The following CFAP47 variants were observed in gnomAD, a reference collection of about 807,000 sequenced individuals.
The protein encoded by CFAP47 is cilia and flagella associated protein 47, also known as cilia- and flagella-associated protein 47.
CFAP47 carries 29 observed loss-of-function variants against 148.1 expected under a neutral mutation model. The ratio of observed to expected loss-of-function variants is 0.20; its 90% confidence interval spans 0.15 to 0.27. The LOEUF (loss-of-function observed/expected upper bound fraction) is 0.27. Ranked by LOEUF, CFAP47 falls within the 10% of genes least tolerant of loss-of-function variation. The pLI is 1.00. For synonymous variants in CFAP47, 664 were observed against 577.3 expected (o/e 1.15, Z -2.15); for missense variants, 1,872 against 1,697.5 (o/e 1.10, Z -1.81).
At chrX:35,931,705 A>G (rs1935828545) in intron 2 of CFAP47, among the ~76,000 whole-genome samples, 1 of 111,282 alleles carries the variant, frequency 9.0e-6, no homozygotes. Flanking sequence ...TAATTATTGT[A>G]GTGGTTTTTC....
At chrX:36,078,786 A>G (rs1378198404) in intron 29 of CFAP47, among the ~76,000 whole-genome samples, 4 of 110,721 alleles carry the variant, frequency 3.6e-5, no homozygotes, top group African/African-American at 1.3e-4. Flanking sequence ...GGTCTTTACA[A>G]TTTGGCATGT....
chrX:35,934,596 T>C (rs1935882596), intron 2 of CFAP47, among the ~76,000 whole-genome samples: 1 of 111,063 alleles, frequency 9.0e-6, no homozygotes. Context: ...TACAACCCTT[T>C]TACTTTTCCC....
chrX:35,924,337 A>G (rs1294056975), intron 1 of CFAP47, among the ~76,000 whole-genome samples: 1 of 106,620 alleles, frequency 9.4e-6, no homozygotes, highest in Non-Finnish European at 1.9e-5. Flanking sequence ...ATATGTGTAC[A>G]TATATGTGTG....
At chrX:35,974,590 A>G (rs1203975205) in intron 13 of CFAP47, among the ~76,000 whole-genome samples, 1 of 111,791 alleles carries the variant, frequency 8.9e-6, no homozygotes, top group Admixed American at 9.6e-5. Context: ...TGATTGTTTC[A>G]CAGGTGTATA....
rs1936916516 is a variant in CFAP47 at position 36,001,632 on chromosome X, A to T, written c.3342A>T (p.Ala1114=). ...TTACAGAAGAATTTAAAGACCCTGC[A>T]GTTCCTTATATATATTCTTTGGAAT... The part of the protein sequence containing the change: ...KDKSEEFKDP[A]VPYIYSLELE... Residue 1114 remains alanine (A), a synonymous_variant, in exon 21 of 64, where the codon GCA becomes GCT. Coordinates refer to ENST00000378653, the MANE Select transcript of CFAP47 (RefSeq NM_001304548.2). The T allele has an allele frequency of 5.1e-5, 15 of 296,139 alleles. No homozygotes were observed. In the East Asian group the frequency reaches 7.2e-4, roughly 14 times the overall value. 24.4% of individuals were successfully genotyped at this position (296,139 alleles called of 1,213,427 possible).
intron 33 of CFAP47, among the ~76,000 whole-genome samples, chrX:36,117,340 A>G (rs1311866137): frequency 1.8e-5 from 2 of 111,704 alleles, no homozygotes; most frequent in African/African-American, 6.5e-5. Flanking sequence ...ACTGTTCTCC[A>G]TAGTGATTGT....
intron 18 of CFAP47, among the ~76,000 whole-genome samples, chrX:35,995,503 A>G (rs1047968164): frequency 3.6e-5 from 4 of 111,418 alleles, no homozygotes; most frequent in African/African-American, 1.3e-4. Flanking sequence ...AACTGGTGAG[A>G]AACTGATAAA....
intron 28 of CFAP47, among the ~76,000 whole-genome samples, chrX:36,072,758 G>A (rs934555218): frequency 9.0e-6 from 1 of 111,220 alleles, no homozygotes; most frequent in Non-Finnish European, 1.9e-5. Flanking sequence ...AACCAATATT[G>A]TCTTTGTATA....
intron 37 of CFAP47, among the ~76,000 whole-genome samples, chrX:36,149,823 G>T (rs1204342049): frequency 9.2e-6 from 1 of 108,196 alleles, no homozygotes; most frequent in African/African-American, 3.4e-5. Context: ...TGGCCAGGCT[G>T]GTCTCGAACT....
At chrX:35,926,330 TTC>T (rs1935741140) in intron 2 of CFAP47, among the ~76,000 whole-genome samples, 162 bp downstream of exon 2, 1 of 112,327 alleles carries the variant, frequency 8.9e-6, no homozygotes, top group African/African-American at 3.2e-5. Context: ...TGAAACCTCA[TTC>T]TCTGTTATTT....
At chrX:36,254,612 A>C (rs1555998700) in intron 49 of CFAP47, among the ~76,000 whole-genome samples, 2 of 111,461 alleles carry the variant, frequency 1.8e-5, no homozygotes. Context: ...GCAAACCCTA[A>C]GGCAAGAGTT....
intron 45 of CFAP47, among the ~76,000 whole-genome samples, chrX:36,212,980 G>C (rs1206327383): frequency 9.0e-6 from 1 of 110,893 alleles, no homozygotes; most frequent in African/African-American, 3.3e-5. Context: ...GGGCGTGGTG[G>C]CACAAGCCTG....
At chrX:36,341,548 G>A (rs1485246666) in intron 57 of CFAP47, among the ~76,000 whole-genome samples, 1 of 111,172 alleles carries the variant, frequency 9.0e-6, no homozygotes, top group Non-Finnish European at 1.9e-5. Context: ...AAATTTTCTT[G>A]AAAGACAGAA....
chrX:36,126,042 CT>C (rs764598422), intron 33 of CFAP47, among the ~76,000 whole-genome samples: 39 of 105,966 alleles, frequency 3.7e-4, no homozygotes, highest in South Asian at 2.4e-3. Context: ...TTTTCTTTTT[CT>C]TTTTTTTTGC....
chrX:35,955,141 G>A (rs1417410006), intron 7 of CFAP47, among the ~76,000 whole-genome samples: 1 of 111,815 alleles, frequency 8.9e-6, no homozygotes, highest in Non-Finnish European at 1.9e-5. Context: ...AACACAGAGT[G>A]GTCTAGTAGA....
intron 36 of CFAP47, 148 bp downstream of exon 36, chrX:36,145,501 T>C (rs1939220468): frequency 3.6e-6 from 1 of 277,173 alleles, no homozygotes; most frequent in African/African-American, 2.8e-5. Context: ...TGTTGCTTCT[T>C]CTAAGCCAAA....
intron 33 of CFAP47, among the ~76,000 whole-genome samples, chrX:36,134,683 C>A (rs770752746): frequency 1.8e-5 from 2 of 111,037 alleles, no homozygotes; most frequent in African/African-American, 3.3e-5. Context: ...TATATACATA[C>A]ATATATACAC....
chrX:36,238,918 A>G (rs1555995390), intron 48 of CFAP47, among the ~76,000 whole-genome samples: 2 of 112,015 alleles, frequency 1.8e-5, no homozygotes, highest in South Asian at 7.4e-4. Context: ...CCACTTTGAT[A>G]ATCTGTTACT....
Position 35,967,636 on chromosome X carries a change from C to T in CFAP47, c.1618C>T (p.Arg540Cys), listed in dbSNP as rs1043323072. ...KFDPGILPSI[R>C]NPTGKFVVKD... ...TATAAAAGGTATATTGCCTTCGATC[C>T]GTAATCCCACGGGAAAGTTTGTGGT... is the stretch of plus-strand genomic sequence containing the variant. The change falls in exon 10 of 64, where the codon CGT becomes TGT. Residue 540 changes from arginine to cysteine, a missense_variant. Transcript: ENST00000378653. 6.6e-6 allele frequency: 8 copies of T among 1,204,024 alleles called. No individual in the cohort carries two copies. The African/African-American group carries it at 7.1e-5, about 11-fold the overall frequency.
Sources: gnomAD v4.1 joint callset for allele counts (sites outside exome capture counted in the v4.1 genomes callset) on GRCh38, gnomAD v4.1.1 for gene constraint, MANE v1.5 for transcripts, NCBI Gene and HGNC (gene_info 2026-07-23, HGNC 2026-07-21) for gene names.